SYNRG: variants seen among roughly 807,000 people sequenced by gnomAD.
The protein encoded by SYNRG is synergin gamma, also known as AP1 gamma subunit binding protein 1.
SYNRG carries 37 observed loss-of-function variants against 130.9 expected under a neutral mutation model. That is an observed-to-expected ratio of 0.28 (90% CI 0.22 to 0.37). The LOEUF (loss-of-function observed/expected upper bound fraction) is 0.37, where lower values mean the gene tolerates loss of function less well. Among genes scored for constraint, SYNRG ranks in the 10% least tolerant of loss-of-function variants. The pLI, the probability that SYNRG is intolerant of heterozygous loss-of-function variation, is 1.00. For missense variants in SYNRG, 1,338 were observed against 1,588.9 expected, an observed-to-expected ratio of 0.84 and a Z score of 2.68; for synonymous variants, 539 against 568.1, an observed-to-expected ratio of 0.95 and a Z score of 0.73.
chr17:37,519,013 G>T lies in SYNRG; in HGVS notation c.3872C>A (p.Ala1291Asp). Residue 1291 changes from alanine (A) to aspartate (D), a missense_variant, in exon 22 of 22, where the codon GCC becomes GAC. Coordinates refer to ENST00000612223, the MANE Select transcript of SYNRG (RefSeq NM_007247.6). ...KLAYGGHQYH[A>D]SCANFWINCV... is the part of the protein sequence containing the mutation. ...GTTGATCCAGAAGTTGGCACAGCTGGCGTGATACTGGTGCCCTCCATAGGC... is the reference window on the plus strand; with the variant it reads ...GTTGATCCAGAAGTTGGCACAGCTGTCGTGATACTGGTGCCCTCCATAGGC... The T allele has an allele frequency of 6.2e-7, 1 of 1,614,228 alleles. No individual in the cohort carries two copies. The highest frequency in any genetic ancestry group is 8.5e-7 in the Non-Finnish European group (1 of 1,180,040).
At chr17:37,525,781 C>T (rs916464023) in intron 19 of SYNRG, among the ~76,000 whole-genome samples, 2 of 152,234 alleles carry the variant, frequency 1.3e-5, no homozygotes, top group Admixed American at 6.5e-5. Flanking sequence ...GCCTGGCCAA[C>T]ATGGTGAAAC....
At chr17:37,598,483 GATTTT>G (rs761536643) in intron 2 of SYNRG, among the ~76,000 whole-genome samples, 4 of 152,148 alleles carry the variant, frequency 2.6e-5, no homozygotes, top group Admixed American at 6.5e-5. Flanking sequence ...GATTTTAACT[GATTTT>G]ATTTTATTTC....
At chr17:37,549,098 G>T (rs933160603) in intron 14 of SYNRG, among the ~76,000 whole-genome samples, 1 of 141,502 alleles carries the variant, frequency 7.1e-6, no homozygotes, top group African/African-American at 2.7e-5. Flanking sequence ...TTGTGCCATT[G>T]CACTCCAGCC....
intron 6 of SYNRG, 50 bp downstream of exon 6, chr17:37,584,598 A>T: frequency 6.9e-7 from 1 of 1,444,008 alleles, no homozygotes; most frequent in Non-Finnish European, 9.7e-7. Context: ...AACAGGGACT[A>T]CATAAATCAC....
At position 37,577,412 on chromosome 17, in the gene SYNRG, G is replaced by GT; in HGVS notation, c.790dup (p.Thr264AsnfsTer9). ...TTCAATTGACAGGTTTTGATCTGAA[G>GT]TATTTTCTGCCTCTGCAGTGGTGGT... is the stretch of plus-strand genomic sequence containing the variant. On this transcript the variant is annotated frameshift_variant, in exon 7 of 22. Coordinates refer to ENST00000612223, the MANE Select transcript of SYNRG (RefSeq NM_007247.6). LOFTEE classifies it high-confidence loss of function. 6.2e-7 allele frequency: 1 copy of GT among 1,614,202 alleles called. No individual in the cohort carries two copies. The highest frequency in any genetic ancestry group is 8.5e-7 in the Non-Finnish European group (1 of 1,180,048).
chr17:37,590,574 C>G (rs914174597), intron 3 of SYNRG, among the ~76,000 whole-genome samples: 1 of 151,918 alleles, frequency 6.6e-6, no homozygotes, highest in Non-Finnish European at 1.5e-5. Flanking sequence ...AATTTAAAAC[C>G]TAGGAAATAT....
chr17:37,588,755 T>TTA (rs1555787332), intron 3 of SYNRG, among the ~76,000 whole-genome samples: 7 of 151,682 alleles, frequency 4.6e-5, no homozygotes, highest in Admixed American at 3.9e-4. Flanking sequence ...TTTTTTTTTT[T>TTA]ACTCATTTCA....
intron 1 of SYNRG, among the ~76,000 whole-genome samples, chr17:37,608,214 T>C (rs1413475917): frequency 6.6e-6 from 1 of 152,166 alleles, no homozygotes; most frequent in Non-Finnish European, 1.5e-5. Flanking sequence ...GCTCGTTTCC[T>C]GACAAGCACC....
intron 12 of SYNRG, 40 bp from the exon 13 acceptor site, chr17:37,561,297 T>C: frequency 6.2e-7 from 1 of 1,600,326 alleles, no homozygotes; most frequent in Non-Finnish European, 8.5e-7. Flanking sequence ...AGGTTAGGAA[T>C]CTTGAAATCA....
At chr17:37,562,341 T>G (rs4074605) in intron 11 of SYNRG, among the ~76,000 whole-genome samples, 26,575 of 152,252 alleles carry the variant, frequency 0.17, 2,784 homozygotes, top group East Asian at 0.53. Flanking sequence ...GTAGCATCTG[T>G]GCAGGTAATT....
intron 1 of SYNRG, among the ~76,000 whole-genome samples, chr17:37,601,687 C>T (rs576716486): frequency 5.1e-4 from 77 of 151,866 alleles, no homozygotes; most frequent in South Asian, 4.4e-3. Context: ...TTTTTTGAGA[C>T]GGAGTTTGCT....
intron 19 of SYNRG, among the ~76,000 whole-genome samples, chr17:37,525,147 T>G (rs186270538): frequency 2.0e-5 from 3 of 152,350 alleles, no homozygotes; most frequent in Admixed American, 1.3e-4. Context: ...ATTAACAGTT[T>G]GGCACCAATC....
rs767732516 is a variant in SYNRG, at chr17:37,538,311, T to C, written c.3517+13A>G. ...GGCCATCATTTTCAATAGTAAAATA[T>C]GAAAGAACATACCTAATAAATATTC... On this transcript the variant is annotated intron_variant, in intron 18 of 21. Transcript: ENST00000612223. 2 of 1,570,218 alleles carry C rather than the reference T, an allele frequency of 1.3e-6. No homozygotes were observed. The highest frequency in any genetic ancestry group is 1.2e-5 in the South Asian group (1 of 84,758).
intron 3 of SYNRG, among the ~76,000 whole-genome samples, chr17:37,594,172 A>C (rs999349534): frequency 2.7e-5 from 3 of 110,266 alleles, no homozygotes; most frequent in Non-Finnish European, 5.5e-5. Flanking sequence ...TAATTATATT[A>C]ATTACAATAT....
intron 19 of SYNRG, 105 bp from the exon 20 acceptor site, chr17:37,520,753 A>G (rs1458075105): frequency 1.2e-6 from 1 of 821,140 alleles, no homozygotes; most frequent in Non-Finnish European, 2.0e-6. Context: ...CAAGTACAGT[A>G]CTCTAACACC....
Position 37,519,040 on chromosome 17 carries a change from A to G in SYNRG, c.3845T>C (p.Leu1282Pro). Reference protein sequence around the residue: ...AFNSETDSFKLAYGGHQYHAS... With the variant: ...AFNSETDSFKPAYGGHQYHAS... ...GTGATACTGGTGCCCTCCATAGGCC[A>G]GCTTGAAACTGTCTGTTTCTGAGTT... The change falls in exon 22 of 22, where the codon CTG becomes CCG. Residue 1282 changes from leucine to proline, a missense_variant. Physicochemically the swap from Leu to Pro is moderately conservative, Grantham distance 98 (BLOSUM62 -3). This residue lies in a region of SYNRG where 1,146 missense variants were observed against 1,342.3 expected (regional missense o/e 0.85). Transcript: ENST00000612223. 1 of 1,614,084 alleles carries G rather than the reference A, an allele frequency of 6.2e-7. No individual in the cohort carries two copies. Among genetic ancestry groups the G allele is most frequent in the Non-Finnish European group, 8.5e-7 (1 of 1,179,936 alleles).
At chr17:37,580,478 C>CGTGTGTGTGTGTGT (rs1341679385) in intron 6 of SYNRG, among the ~76,000 whole-genome samples, 1,346 of 121,794 alleles carry the variant, frequency 0.011, 14 homozygotes, top group African/African-American at 0.018. Flanking sequence ...CTTTGTATTT[C>CGTGTGTGTGTGTGT]GTGTGTGTGT....
intron 19 of SYNRG, among the ~76,000 whole-genome samples, chr17:37,525,780 A>G (rs1387284819): frequency 6.6e-6 from 1 of 152,240 alleles, no homozygotes; most frequent in African/African-American, 2.4e-5. Flanking sequence ...AGCCTGGCCA[A>G]CATGGTGAAA....
At chr17:37,529,948 G>T in intron 19 of SYNRG, 1 of 1,092,722 alleles carries the variant, frequency 9.2e-7, no homozygotes, top group Non-Finnish European at 1.3e-6. Context: ...CCCAAACAAA[G>T]AACCTTAAAA....
Sources: gnomAD v4.1 joint callset for allele counts (sites outside exome capture counted in the v4.1 genomes callset) on GRCh38, gnomAD v4.1.1 for gene constraint, gnomAD v4.1.1 regional missense constraint, MANE v1.5 for transcripts, NCBI Gene and HGNC (gene_info 2026-07-23, HGNC 2026-07-21) for gene names.